Variants in PRKG1 observed in about 807,000 individuals in gnomAD.
PRKG1 encodes the protein protein kinase cGMP-dependent 1.
In PRKG1, 35 loss-of-function variants were observed where a neutral mutation model predicts 88.1. The ratio of observed to expected loss-of-function variants is 0.40; its 90% CI spans 0.30 to 0.53. The LOEUF is 0.53. Among genes scored for constraint, PRKG1 ranks in the 20% least tolerant of loss-of-function variants. The probability of loss-of-function intolerance (pLI) is 0.59; values close to 1 mark genes in which losing one functional copy is unlikely to be tolerated. For missense variants in PRKG1, 540 were observed against 839.8 expected (o/e 0.64, Z 4.41); for synonymous variants, 303 against 292.5 (o/e 1.04, Z -0.37).
At chr10:51,859,108 G>C (rs960774858) in intron 4 of PRKG1, among the ~76,000 whole-genome samples, 1 of 152,140 alleles carries the variant, frequency 6.6e-6, no homozygotes, top group Non-Finnish European at 1.5e-5. Context: ...GTTGAATTGG[G>C]GATTTGGCTA....
chr10:51,192,075 GA>G (rs1054448720), intron 2 of PRKG1, among the ~76,000 whole-genome samples: 1 of 151,316 alleles, frequency 6.6e-6, no homozygotes, highest in African/African-American at 2.4e-5. Context: ...CACATATGCT[GA>G]AAAACTTCCC....
chr10:51,280,629 T>G (rs1327217999), intron 2 of PRKG1, among the ~76,000 whole-genome samples: 1 of 152,238 alleles, frequency 6.6e-6, no homozygotes, highest in Non-Finnish European at 1.5e-5. Context: ...CTTCCATCAC[T>G]GATACCCTTT....
In PRKG1 at chr10:51,601,331, G is replaced by T. The variant is rs532941512; in HGVS notation, c.592+133495G>T. Among the ~76,000 whole-genome samples, 362 of 152,178 alleles carry T rather than the reference G, an allele frequency of 2.4e-3. 2 individuals carry two copies. Among genetic ancestry groups the T allele is most frequent in the African/African-American group, 8.2e-3 (342 of 41,534 alleles). On this transcript the variant is annotated intron_variant, in intron 3 of 17. Transcript: ENST00000373980. ...AAGGAATAGTTTGAAAAATAAAACC[G>T]TACATGAATATTTTAGAAAGGCGAA... is the stretch of plus-strand genomic sequence containing the variant.
rs112917981 is a variant in PRKG1, at chr10:51,461,436, A to G, written c.479-6287A>G. Among the ~76,000 whole-genome samples, 174 of 152,330 alleles carry G rather than the reference A, an allele frequency of 1.1e-3. 1 individual carries two copies. The highest frequency in any genetic ancestry group is 4.2e-3 in the African/African-American group (173 of 41,578). ...AAGGTTTAGAAAAAAAACCTAATAC[A>G]TATATATGTGTAATGAGAAACCACT... On this transcript the variant is annotated intron_variant, in intron 2 of 17. Coordinates refer to ENST00000373980, the MANE Select transcript of PRKG1 (RefSeq NM_006258.4).
At chr10:51,164,219 A>G (rs1399517049) in intron 2 of PRKG1, among the ~76,000 whole-genome samples, 1 of 152,168 alleles carries the variant, frequency 6.6e-6, no homozygotes, top group Non-Finnish European at 1.5e-5. Context: ...GAACGATCAG[A>G]CAGCAGCATT....
chr10:51,732,651 C>T (rs1193491867), intron 3 of PRKG1, among the ~76,000 whole-genome samples: 1 of 152,122 alleles, frequency 6.6e-6, no homozygotes, highest in East Asian at 1.9e-4. Context: ...TATTAAGGAT[C>T]TTAACGAAAT....
intron 2 of PRKG1, among the ~76,000 whole-genome samples, chr10:51,250,842 T>C (rs1261183919): frequency 6.6e-6 from 1 of 151,168 alleles, no homozygotes. Context: ...GCTCCTAGTG[T>C]ATGTGAAGCC....
chr10:51,723,123 CT>C (rs1842052758), intron 3 of PRKG1, among the ~76,000 whole-genome samples: 1 of 152,162 alleles, frequency 6.6e-6, no homozygotes, highest in Non-Finnish European at 1.5e-5. Context: ...CACCATACCA[CT>C]TTCTGTCTGA....
chr10:51,125,310 T>G (rs543102083), intron 1 of PRKG1, among the ~76,000 whole-genome samples: 59 of 152,032 alleles, frequency 3.9e-4, no homozygotes, highest in Non-Finnish European at 7.2e-4. Context: ...GGTGACAGAG[T>G]GAGACCTTGC....
chr10:52,208,885 C>A (rs1839885742), intron 9 of PRKG1, among the ~76,000 whole-genome samples: 1 of 151,778 alleles, frequency 6.6e-6, no homozygotes, highest in African/African-American at 2.4e-5. Context: ...TTGTCTACAG[C>A]TAAATTACTG....
intron 8 of PRKG1, 47 bp downstream of exon 8, chr10:52,133,952 C>A (rs533069485): frequency 7.0e-7 from 1 of 1,433,950 alleles, no homozygotes; most frequent in African/African-American, 1.4e-5. Context: ...ATATCAGCAA[C>A]ACACATGAGT....
At chr10:51,611,567 G>A (rs532392012) in intron 3 of PRKG1, among the ~76,000 whole-genome samples, 24 of 150,142 alleles carry the variant, frequency 1.6e-4, no homozygotes, top group Admixed American at 8.0e-4. Context: ...TATTTTCTCC[G>A]TTTCAAGAGG....
At chr10:51,785,133 T>TG (rs941755395) in intron 3 of PRKG1, among the ~76,000 whole-genome samples, 2 of 151,588 alleles carry the variant, frequency 1.3e-5, no homozygotes, top group African/African-American at 4.9e-5. Flanking sequence ...TCTTTTTTTT[T>TG]TTTTTAATAA....
intron 7 of PRKG1, among the ~76,000 whole-genome samples, chr10:52,110,044 C>G (rs1847521031): frequency 6.6e-6 from 1 of 151,734 alleles, no homozygotes; most frequent in Non-Finnish European, 1.5e-5. Flanking sequence ...ACTCAACACT[C>G]TTTAGAAGAC....
At chr10:52,142,461 T>C (rs1461012685) in intron 8 of PRKG1, among the ~76,000 whole-genome samples, 1 of 152,156 alleles carries the variant, frequency 6.6e-6, no homozygotes, top group Non-Finnish European at 1.5e-5. Context: ...GAGGAATTGA[T>C]GGCTTATGAA....
intron 7 of PRKG1, 45 bp from the exon 8 acceptor site, chr10:52,133,795 G>A (rs781359167): frequency 4.7e-6 from 7 of 1,501,566 alleles, no homozygotes; most frequent in Non-Finnish European, 4.6e-6. Context: ...ACTGTGCTTT[G>A]ATATTAAAGG....
At position 52,107,775 on chromosome 10, in the gene PRKG1, C is replaced by T. The variant is rs150842655; in HGVS notation, c.936-26065C>T. Among the ~76,000 whole-genome samples, 296 of 152,294 alleles carry T rather than the reference C, an allele frequency of 1.9e-3. 2 individuals are homozygous for T. The highest frequency in any genetic ancestry group is 7.0e-3 in the African/African-American group (289 of 41,566). On this transcript the variant is annotated intron_variant, in intron 7 of 17. Transcript: ENST00000373980. ...ATGGATTTTCACTACCAATGTGTCG[C>T]TTTCCAATGTTGCCTTTTAGTATTA...
At chr10:51,958,115 T>TA (rs1843357337) in intron 5 of PRKG1, among the ~76,000 whole-genome samples, 1 of 152,168 alleles carries the variant, frequency 6.6e-6, no homozygotes. Context: ...TAGCTTTGAC[T>TA]AGAGCAGATG....
At chr10:51,325,093 T>C (rs1274577267) in intron 2 of PRKG1, among the ~76,000 whole-genome samples, 1 of 152,330 alleles carries the variant, frequency 6.6e-6, no homozygotes, top group East Asian at 1.9e-4. Flanking sequence ...ATGATATCTG[T>C]TTGTGGTTTT....
Sources: gnomAD v4.1 joint callset for allele counts (sites outside exome capture counted in the v4.1 genomes callset) on GRCh38, gnomAD v4.1.1 for gene constraint, MANE v1.5 for transcripts, NCBI Gene and HGNC (gene_info 2026-07-23, HGNC 2026-07-21) for gene names.